The following KAZN variants were observed in gnomAD, a reference collection of about 807,000 sequenced individuals.
KAZN encodes the protein kazrin.
KAZN carries 40 observed loss-of-function variants against 87.4 expected under a neutral mutation model. That is an observed-to-expected ratio of 0.46 (90% CI 0.36 to 0.60). KAZN has a LOEUF of 0.60. Among genes scored for constraint, KAZN ranks in the 20% least tolerant of loss-of-function variants. KAZN has a pLI of 0.00. For synonymous variants in KAZN, 466 were observed against 458.3 expected, an observed-to-expected ratio of 1.02 and a Z score of -0.22; for missense variants, 898 against 1,073.9, an observed-to-expected ratio of 0.84 and a Z score of 2.29.
chr1:14,033,291 T>C (rs1641405346), intron 1 of KAZN, among the ~76,000 whole-genome samples: 1 of 152,026 alleles, frequency 6.6e-6, no homozygotes, highest in South Asian at 2.1e-4. Flanking sequence ...AAGTGAGCAA[T>C]TTGGTTTTGT....
Position 14,883,211 on chromosome 1 carries a change from C to T in KAZN, c.227-77473C>T, listed in dbSNP as rs1653528138. ...TCAGGAGGCTGAGGCAGGAGAATCA[C>T]TTGAACCCAGGAGGCGGAGGTTGCG... On this transcript the variant is annotated intron_variant, in intron 1 of 14. Coordinates refer to ENST00000376030, the MANE Select transcript of KAZN (RefSeq NM_201628.3). 7.9e-5 allele frequency among the ~76,000 whole-genome samples: 12 copies of T among 151,244 alleles called. No individual in the cohort carries two copies. In the Admixed American group the frequency reaches 7.9e-4, roughly 10 times the overall value.
At chr1:14,246,090 A>C (rs536521632) in intron 2 of KAZN, among the ~76,000 whole-genome samples, 27 of 152,292 alleles carry the variant, frequency 1.8e-4, no homozygotes, top group Non-Finnish European at 3.2e-4. Flanking sequence ...ACCAAACACC[A>C]CATGTTCTTA....
chr1:14,571,387 T>C (rs1465371352), intron 2 of KAZN, among the ~76,000 whole-genome samples: 1 of 152,184 alleles, frequency 6.6e-6, no homozygotes, highest in Non-Finnish European at 1.5e-5. Context: ...ATATATTGAA[T>C]CTCTGTCGTC....
rs1401191378 is a variant in KAZN, at chr1:15,021,906, A to G, written c.419-12843A>G. On this transcript the variant is annotated intron_variant, in intron 2 of 14. Coordinates refer to ENST00000376030, the MANE Select transcript of KAZN (RefSeq NM_201628.3). The surrounding 1 kb of genome is among the most constrained non-coding windows in gnomAD (Gnocchi z 4.2). ...AAAAAGAGGTTGGGGAGGCCTCATA[A>G]TCATGGCGGAAGGCAAAAGACACTT... is the stretch of plus-strand genomic sequence containing the variant. 2.6e-5 allele frequency among the ~76,000 whole-genome samples: 4 copies of G among 151,752 alleles called. No homozygotes were observed. Among genetic ancestry groups the G allele is most frequent in the African/African-American group, 7.3e-5 (3 of 41,274 alleles).
intron 1 of KAZN, among the ~76,000 whole-genome samples, chr1:14,819,890 A>G (rs750265987): frequency 6.6e-6 from 1 of 151,808 alleles, no homozygotes; most frequent in Non-Finnish European, 1.5e-5. Flanking sequence ...AAATATTTTT[A>G]GTAGAGACAG....
intron 1 of KAZN, among the ~76,000 whole-genome samples, chr1:14,952,544 A>G (rs1662623218): frequency 1.3e-5 from 2 of 151,818 alleles, no homozygotes; most frequent in Admixed American, 6.6e-5. Flanking sequence ...TCAGCTCTTT[A>G]GTGTACAGTT....
chr1:14,464,935 A>G (rs1379563353), intron 2 of KAZN, among the ~76,000 whole-genome samples: 1 of 146,024 alleles, frequency 6.8e-6, no homozygotes, highest in Admixed American at 6.7e-5. Flanking sequence ...CTGTGTACCC[A>G]ATACACAGTG....
intron 1 of KAZN, among the ~76,000 whole-genome samples, chr1:14,740,735 G>A (rs1451436008): frequency 6.6e-6 from 1 of 152,110 alleles, no homozygotes; most frequent in Admixed American, 6.5e-5. Flanking sequence ...AGGGTCTCTT[G>A]ATTTCTTGCT....
chr1:14,747,147 G>A (rs1337110080), intron 1 of KAZN, among the ~76,000 whole-genome samples: 1 of 152,130 alleles, frequency 6.6e-6, no homozygotes, highest in Non-Finnish European at 1.5e-5. Flanking sequence ...CAGTGCGGTA[G>A]CATGTTCAGA....
chr1:13,965,030 CCA>C (rs1034071183), intron 1 of KAZN, among the ~76,000 whole-genome samples: 9 of 151,946 alleles, frequency 5.9e-5, no homozygotes, highest in African/African-American at 2.2e-4. Context: ...CTGGGGCATT[CCA>C]GACACAGCAG....
chr1:14,927,947 G>A (rs1044084354), intron 1 of KAZN, among the ~76,000 whole-genome samples: 2 of 151,072 alleles, frequency 1.3e-5, no homozygotes, highest in Non-Finnish European at 2.9e-5. Flanking sequence ...TGTCGTGAAC[G>A]AAACAGGATG....
chr1:14,924,182 G>A, intron 1 of KAZN: 1 of 982,054 alleles, frequency 1.0e-6, no homozygotes, highest in Non-Finnish European at 1.2e-6. Context: ...TGCAGCAGGC[G>A]CGGACCGCCC....
intron 1 of KAZN, among the ~76,000 whole-genome samples, chr1:14,892,406 C>A (rs1285895588): frequency 6.6e-6 from 1 of 151,604 alleles, no homozygotes; most frequent in African/African-American, 2.4e-5. Flanking sequence ...CCTTTTTCCC[C>A]CTCCCCCCTG....
intron 2 of KAZN, among the ~76,000 whole-genome samples, chr1:14,317,405 T>G (rs1406285900): frequency 6.6e-6 from 1 of 151,980 alleles, no homozygotes; most frequent in African/African-American, 2.4e-5. Context: ...TTTAATCTAT[T>G]TGTGTTTTCA....
chr1:14,220,120 T>A (rs933649146), intron 2 of KAZN, among the ~76,000 whole-genome samples: 1 of 152,220 alleles, frequency 6.6e-6, no homozygotes, highest in African/African-American at 2.4e-5. Context: ...TCTTTGGTCA[T>A]GCCTTCTGTG....
At chr1:15,011,438 T>G (rs1438231322) in intron 2 of KAZN, among the ~76,000 whole-genome samples, 1 of 152,200 alleles carries the variant, frequency 6.6e-6, no homozygotes, top group African/African-American at 2.4e-5. Context: ...GGTGGTTGTT[T>G]GCACTTCTGC....
At chr1:15,063,498 C>T (rs1256659480) in intron 6 of KAZN, 74 bp from the exon 7 acceptor site, 5 of 1,316,422 alleles carry the variant, frequency 3.8e-6, no homozygotes, top group South Asian at 1.2e-5. Context: ...AGGCCCCACA[C>T]CGCACGGGCC....
At chr1:14,020,124 T>C (rs1384700759) in intron 1 of KAZN, among the ~76,000 whole-genome samples, 2 of 151,940 alleles carry the variant, frequency 1.3e-5, no homozygotes, top group Non-Finnish European at 2.9e-5. Flanking sequence ...CAATTCACAG[T>C]AGGATTTGCA....
chr1:15,043,963 G>T (rs773933371), intron 3 of KAZN, 26 bp from the exon 4 acceptor site: 1 of 1,586,878 alleles, frequency 6.3e-7, no homozygotes, highest in Non-Finnish European at 8.6e-7. Flanking sequence ...AACACCCACG[G>T]TGCTCTCTCC....
Sources: allele counts gnomAD v4.1 joint callset (sites outside exome capture counted in the v4.1 genomes callset), GRCh38; gene constraint gnomAD v4.1.1; non-coding constraint Gnocchi (gnomAD v3.1); transcripts MANE v1.5; gene names NCBI Gene and HGNC (gene_info 2026-07-23, HGNC 2026-07-21).